The following CADM2 variants were observed in gnomAD, a reference collection of about 807,000 sequenced individuals.
The protein encoded by CADM2 is immunoglobulin superfamily member 4D.
Under a neutral mutation model 49.8 loss-of-function variants are expected in CADM2, and 12 were observed. That is an observed-to-expected ratio of 0.24 (90% CI 0.15 to 0.39). The LOEUF is 0.39. Among genes scored for constraint, CADM2 ranks in the 10% least tolerant of loss-of-function variants. The pLI, the probability that CADM2 is intolerant of heterozygous loss-of-function variation, is 1.00. For missense variants in CADM2, 378 were observed against 492.3 expected, an observed-to-expected ratio of 0.77 and a Z score of 2.20; for synonymous variants, 214 against 175.4, an observed-to-expected ratio of 1.22 and a Z score of -1.74.
At chr3:85,330,282 T>G in intron 1 of CADM2, among the ~76,000 whole-genome samples, 1 of 152,194 alleles carries the variant, frequency 6.6e-6, no homozygotes, top group East Asian at 1.9e-4. Flanking sequence ...AATGTTGAAC[T>G]GGATGAGTCG....
intron 2 of CADM2, among the ~76,000 whole-genome samples, chr3:85,755,577 G>A (rs898671831): frequency 1.3e-5 from 2 of 152,104 alleles, no homozygotes; most frequent in Non-Finnish European, 2.9e-5. Context: ...AAGTTTAATT[G>A]GTTCACTATT....
intron 1 of CADM2, among the ~76,000 whole-genome samples, chr3:85,545,772 A>G (rs1479424457): frequency 6.6e-6 from 1 of 152,192 alleles, no homozygotes; most frequent in African/African-American, 2.4e-5. Context: ...TTTCCAAGGC[A>G]TATTTTTTCC....
At chr3:85,734,684 AAATAT>A (rs1052099377) in intron 2 of CADM2, among the ~76,000 whole-genome samples, 3 of 147,610 alleles carry the variant, frequency 2.0e-5, no homozygotes, top group Non-Finnish European at 3.0e-5. Flanking sequence ...TGTATATTTT[AAATAT>A]AATATATATA....
At chr3:85,650,955 A>C (rs905385875) in intron 1 of CADM2, among the ~76,000 whole-genome samples, 21 of 148,026 alleles carry the variant, frequency 1.4e-4, no homozygotes, top group Admixed American at 4.1e-4. Flanking sequence ...GGCTTGATTC[A>C]AATTGGCTTC....
intron 1 of CADM2, among the ~76,000 whole-genome samples, chr3:85,306,476 G>A (rs957331545): frequency 6.6e-6 from 1 of 151,672 alleles, no homozygotes; most frequent in Admixed American, 6.6e-5. Context: ...ATATTAAAAT[G>A]TATTACCATA....
chr3:85,392,864 T>A (rs191231025), intron 1 of CADM2, among the ~76,000 whole-genome samples: 4 of 152,230 alleles, frequency 2.6e-5, no homozygotes, highest in Admixed American at 1.3e-4. Flanking sequence ...ATTTTTCTCA[T>A]CCACATGGAG....
At chr3:85,827,183 A>G (rs909628124) in intron 3 of CADM2, among the ~76,000 whole-genome samples, 1 of 151,988 alleles carries the variant, frequency 6.6e-6, no homozygotes, top group African/African-American at 2.4e-5. Context: ...ATAAAATTGA[A>G]CATTTAAGTA....
chr3:85,370,695 AT>A (rs2033165440), intron 1 of CADM2, among the ~76,000 whole-genome samples: 1 of 152,134 alleles, frequency 6.6e-6, no homozygotes, highest in South Asian at 2.1e-4. Flanking sequence ...TTTTGAATGT[AT>A]TTCTTCTACT....
At chr3:85,473,863 C>T (rs544103344) in intron 1 of CADM2, among the ~76,000 whole-genome samples, 6 of 152,030 alleles carry the variant, frequency 3.9e-5, no homozygotes, top group African/African-American at 1.4e-4. Flanking sequence ...TGACTGTAGT[C>T]ACAAAACCTA....
chr3:85,516,908 T>C (rs369661367), intron 1 of CADM2, among the ~76,000 whole-genome samples: 19 of 152,058 alleles, frequency 1.2e-4, no homozygotes, highest in African/African-American at 4.6e-4. Context: ...ACAGTTTATA[T>C]TTTACTCAAA....
intron 1 of CADM2, among the ~76,000 whole-genome samples, chr3:85,054,195 C>G (rs560257593): frequency 1.4e-4 from 21 of 151,690 alleles, no homozygotes; most frequent in Non-Finnish European, 2.2e-4. Context: ...TAAAGCTTAT[C>G]TAATTGGAGG....
At chr3:85,392,334 G>A (rs940861865) in intron 1 of CADM2, among the ~76,000 whole-genome samples, 1 of 152,010 alleles carries the variant, frequency 6.6e-6, no homozygotes, top group African/African-American at 2.4e-5. Flanking sequence ...TATCAATGCA[G>A]CCACATAACT....
chr3:85,507,468 C>T (rs2040410037), intron 1 of CADM2, among the ~76,000 whole-genome samples: 1 of 152,070 alleles, frequency 6.6e-6, no homozygotes, highest in African/African-American at 2.4e-5. Flanking sequence ...GAATTACAGG[C>T]GTGAGCCACC....
At chr3:85,830,071 CTTTTT>C (rs2074117345) in intron 3 of CADM2, among the ~76,000 whole-genome samples, 1 of 151,842 alleles carries the variant, frequency 6.6e-6, no homozygotes, top group African/African-American at 2.4e-5. Context: ...TTATACTTTT[CTTTTT>C]ATTTTTGAGG....
intron 1 of CADM2, among the ~76,000 whole-genome samples, chr3:85,487,735 T>C (rs1442197334): frequency 1.3e-5 from 2 of 150,658 alleles, no homozygotes; most frequent in Non-Finnish European, 2.9e-5. Flanking sequence ...TGTGTGTGTG[T>C]GTGCGTGTGT....
chr3:85,964,915 A>T (rs1249377886), intron 8 of CADM2, among the ~76,000 whole-genome samples: 1 of 151,702 alleles, frequency 6.6e-6, no homozygotes, highest in Non-Finnish European at 1.5e-5. Flanking sequence ...CTATTTATTT[A>T]TTTACAATGG....
intron 1 of CADM2, among the ~76,000 whole-genome samples, chr3:85,683,941 T>C (rs2066115211): frequency 6.6e-6 from 1 of 152,178 alleles, no homozygotes; most frequent in African/African-American, 2.4e-5. Flanking sequence ...GATGCCTCTG[T>C]GTGTGTTTAT....
intron 1 of CADM2, among the ~76,000 whole-genome samples, chr3:85,637,856 A>G (rs1312351399): frequency 6.6e-6 from 1 of 152,134 alleles, no homozygotes; most frequent in Non-Finnish European, 1.5e-5. Context: ...AGACAAATTT[A>G]TCACAAAAAT....
intron 1 of CADM2, among the ~76,000 whole-genome samples, chr3:85,534,923 T>C (rs2106985258): frequency 6.6e-6 from 1 of 152,266 alleles, no homozygotes. Flanking sequence ...ATAATCTCTA[T>C]AAATTTTGGG....
Sources: allele counts gnomAD v4.1 joint callset (sites outside exome capture counted in the v4.1 genomes callset), GRCh38; gene constraint gnomAD v4.1.1; transcripts MANE v1.5; gene names NCBI Gene and HGNC (gene_info 2026-07-23, HGNC 2026-07-21).